The following SLC16A1 variants were observed in gnomAD, a reference collection of about 807,000 sequenced individuals.
SLC16A1 encodes the protein monocarboxylate transporter 1.
SLC16A1 carries 11 observed loss-of-function variants against 32.2 expected under a neutral mutation model. The observed-to-expected ratio is 0.34, with a 90% CI of 0.21 to 0.56. The LOEUF is 0.56. SLC16A1 is among the 20% of genes least tolerant of loss of function. The pLI is 0.87. For missense variants in SLC16A1, 435 were observed against 615.0 expected, an observed-to-expected ratio of 0.71 and a Z score of 3.10; for synonymous variants, 231 against 226.8, an observed-to-expected ratio of 1.02 and a Z score of -0.17.
intron 1 of SLC16A1, among the ~76,000 whole-genome samples, chr1:112,934,000 T>C (rs185419100): frequency 1.2e-4 from 19 of 152,272 alleles, no homozygotes; most frequent in Admixed American, 1.2e-3. Flanking sequence ...AATAGAATAC[T>C]ACTCAGCAAT....
At chr1:112,938,464 G>C (rs1386553307) in intron 1 of SLC16A1, among the ~76,000 whole-genome samples, 1 of 152,060 alleles carries the variant, frequency 6.6e-6, no homozygotes, top group Non-Finnish European at 1.5e-5. Flanking sequence ...AAAAAATCAA[G>C]CAGAAAGCGC....
At chr1:112,920,045 C>G (rs1219765269) in intron 3 of SLC16A1, among the ~76,000 whole-genome samples, 2 of 152,314 alleles carry the variant, frequency 1.3e-5, no homozygotes, top group South Asian at 4.1e-4. Context: ...AACACACATA[C>G]AGTTGTTGCT....
At position 112,917,614 on chromosome 1, in the gene SLC16A1, C is replaced by G; in HGVS notation, c.792G>C (p.Leu264Phe). The G allele has an allele frequency of 1.9e-6, 3 of 1,614,162 alleles. No homozygotes were observed. Among genetic ancestry groups the G allele is most frequent in the Non-Finnish European group, 2.5e-6 (3 of 1,180,020 alleles). ...TGATCACATTTCCAGAGAGGTATAG[C>G]AAAAAGCCTCTGTGGGTGAATAGGG... The part of the protein sequence containing the change: ...DLTLFTHRGF[L>F]LYLSGNVIMF... Residue 264 changes from leucine (L) to phenylalanine (F), a missense_variant, in exon 4 of 5, where the codon TTG becomes TTC. Transcript: ENST00000369626. This position sits in a 1 kb window ranked among gnomAD's most constrained non-coding sequence, Gnocchi z 4.1.
At chr1:112,916,123 TGTGAG>T (rs549993413) in intron 4 of SLC16A1, among the ~76,000 whole-genome samples, 49 of 152,092 alleles carry the variant, frequency 3.2e-4, no homozygotes, top group South Asian at 6.2e-4. Context: ...TCTGGTACAC[TGTGAG>T]CTTACATGGT....
intron 2 of SLC16A1, among the ~76,000 whole-genome samples, chr1:112,925,149 A>G (rs1648894640): frequency 6.6e-6 from 1 of 152,226 alleles, no homozygotes; most frequent in South Asian, 2.1e-4. Context: ...GAAAAGCATT[A>G]TAAGAAACAA....
At chr1:112,953,213 G>A (rs773684831) in intron 1 of SLC16A1, among the ~76,000 whole-genome samples, 19 of 147,846 alleles carry the variant, frequency 1.3e-4, no homozygotes, top group Non-Finnish European at 2.7e-4. Context: ...GAGCTGAAGT[G>A]CAGTGGTGTG....
intron 1 of SLC16A1, among the ~76,000 whole-genome samples, chr1:112,941,359 G>A (rs769026458): frequency 2.8e-5 from 4 of 142,454 alleles, no homozygotes; most frequent in African/African-American, 7.9e-5. Flanking sequence ...TTGGCTCACC[G>A]CAACCTCCGC....
intron 2 of SLC16A1, among the ~76,000 whole-genome samples, chr1:112,924,739 C>T (rs76977745): frequency 0.012 from 1,874 of 152,070 alleles, 40 homozygotes; most frequent in African/African-American, 0.044. Flanking sequence ...CTTTCAGGGG[C>T]CAGGTATGGT....
At chr1:112,921,910 A>T in intron 3 of SLC16A1, 80 bp downstream of exon 3, 1 of 1,483,614 alleles carries the variant, frequency 6.7e-7, no homozygotes, top group South Asian at 1.1e-5. Flanking sequence ...TTCACTCCAG[A>T]GATCTGAAAG....
intron 4 of SLC16A1, among the ~76,000 whole-genome samples, chr1:112,915,360 C>T (rs541236730): frequency 2.4e-4 from 37 of 151,868 alleles, no homozygotes; most frequent in Non-Finnish European, 4.9e-4. Flanking sequence ...AGTGCAAAGG[C>T]GCAATGGTAG....
chr1:112,955,074 G>A (rs138937421), intron 1 of SLC16A1, among the ~76,000 whole-genome samples: 10 of 152,186 alleles, frequency 6.6e-5, no homozygotes, highest in African/African-American at 1.7e-4. Flanking sequence ...ATAAAGTAGC[G>A]TGTAAACATT....
At chr1:112,953,244 C>T (rs1198549498) in intron 1 of SLC16A1, among the ~76,000 whole-genome samples, 1 of 151,168 alleles carries the variant, frequency 6.6e-6, no homozygotes, top group Non-Finnish European at 1.5e-5. Flanking sequence ...TCATTGCAGC[C>T]TCCACCTCCT....
chr1:112,917,898 C>T lies in SLC16A1; in HGVS notation c.508G>A (p.Gly170Ser), dbSNP rs200143982. ...AAGCTTCCTCTCCATCCAAAGATAC[C>T]GAAGAAAACCTGATTGAGGGGGGCC... ...TLAPLNQVFF[G>S]IFGWRGSFLI... is the part of the protein sequence containing the mutation. The change falls in exon 4 of 5, where the codon GGT becomes AGT. Residue 170 changes from glycine to serine, a missense_variant. Gly to Ser is a moderately conservative substitution (Grantham distance 56, BLOSUM62 0). Transcript: ENST00000369626. This position sits in a 1 kb window ranked among gnomAD's most constrained non-coding sequence, Gnocchi z 4.1. The T allele has an allele frequency of 1.9e-5, 31 of 1,607,180 alleles. No individual in the cohort carries two copies. The highest frequency in any genetic ancestry group is 6.7e-5 in the East Asian group (3 of 44,842).
At chr1:112,925,205 T>A (rs1486130031) in intron 2 of SLC16A1, among the ~76,000 whole-genome samples, 1 of 152,182 alleles carries the variant, frequency 6.6e-6, no homozygotes, top group African/African-American at 2.4e-5. Flanking sequence ...GCGACCAGTC[T>A]CCCTCTGTGG....
chr1:112,922,342 T>TTTTAGATTTAG (rs1423997390), intron 2 of SLC16A1: 1 of 588,338 alleles, frequency 1.7e-6, no homozygotes, highest in African/African-American at 1.9e-5. Context: ...AATCTAAAAA[T>TTTTAGATTTAG]ACTGGATGGA....
intron 1 of SLC16A1, among the ~76,000 whole-genome samples, chr1:112,932,512 C>T (rs1010768767): frequency 6.6e-6 from 1 of 151,564 alleles, no homozygotes; most frequent in Non-Finnish European, 1.5e-5. Context: ...CAGAGCAAGA[C>T]CTTGTCTCGG....
At chr1:112,924,410 A>G (rs761994656) in intron 2 of SLC16A1, 16 of 1,038,136 alleles carry the variant, frequency 1.5e-5, no homozygotes, top group Non-Finnish European at 1.8e-5. Flanking sequence ...ACTTTCTTTA[A>G]TTTAGAAGTG....
intron 2 of SLC16A1, chr1:112,923,293 AGTGAAACTCC>A: frequency 2.6e-6 from 1 of 386,738 alleles, no homozygotes; most frequent in Non-Finnish European, 4.9e-6. Context: ...GGGCAACAAG[AGTGAAACTCC>A]GTCTCAAAAA....
chr1:112,939,534 T>C (rs1649429748), intron 1 of SLC16A1, among the ~76,000 whole-genome samples: 1 of 151,928 alleles, frequency 6.6e-6, no homozygotes, highest in African/African-American at 2.4e-5. Flanking sequence ...ATACATATAG[T>C]TGGTCTTGTC....
Sources: gnomAD v4.1 joint callset for allele counts (sites outside exome capture counted in the v4.1 genomes callset) on GRCh38, gnomAD v4.1.1 for gene constraint, Gnocchi (gnomAD v3.1) non-coding constraint, MANE v1.5 for transcripts, NCBI Gene and HGNC (gene_info 2026-07-23, HGNC 2026-07-21) for gene names.